The following DOCK3 variants were observed in gnomAD, a reference collection of about 807,000 sequenced individuals.
DOCK3 encodes dedicator of cytokinesis protein 3.
DOCK3 carries 60 observed loss-of-function variants against 265.6 expected under a neutral mutation model. The ratio of observed to expected loss-of-function variants is 0.23; its 90% CI spans 0.18 to 0.28. The LOEUF (loss-of-function observed/expected upper bound fraction) is 0.28. DOCK3 is among the 10% of genes least tolerant of loss of function. The pLI is 1.00. For missense variants in DOCK3, 1,981 were observed against 2,594.3 expected, an observed-to-expected ratio of 0.76 and a Z score of 5.14; for synonymous variants, 881 against 938.0, an observed-to-expected ratio of 0.94 and a Z score of 1.11.
intron 3 of DOCK3, among the ~76,000 whole-genome samples, chr3:50,858,440 AATAATAAT>A (rs750447421): frequency 0.1 from 15,007 of 150,322 alleles, 930 homozygotes; most frequent in Non-Finnish European, 0.13. Context: ...TAATAATAAT[AATAATAAT>A]AATAAAAATA....
At chr3:51,153,344 T>C (rs142092227) in intron 10 of DOCK3, among the ~76,000 whole-genome samples, 2 of 152,286 alleles carry the variant, frequency 1.3e-5, no homozygotes, top group East Asian at 3.9e-4. Context: ...GGTGTGCCAT[T>C]TGCTAAGACC....
At chr3:50,967,592 C>T (rs557248247) in intron 5 of DOCK3, among the ~76,000 whole-genome samples, 1 of 152,278 alleles carries the variant, frequency 6.6e-6, no homozygotes, top group East Asian at 1.9e-4. Flanking sequence ...TTTTAATTGA[C>T]TCACAGTTTC....
At chr3:51,028,264 G>A (rs1038250759) in intron 5 of DOCK3, among the ~76,000 whole-genome samples, 4 of 152,020 alleles carry the variant, frequency 2.6e-5, no homozygotes, top group Non-Finnish European at 5.9e-5. Context: ...AATCTCTTCT[G>A]GCTTATAAGG....
intron 5 of DOCK3, among the ~76,000 whole-genome samples, chr3:50,951,765 A>G (rs2076598020): frequency 6.6e-6 from 1 of 151,582 alleles, no homozygotes; most frequent in African/African-American, 2.4e-5. Flanking sequence ...AAACACTGTT[A>G]AAGGAGATTA....
chr3:51,193,775 T>C (rs1336282609), intron 12 of DOCK3, among the ~76,000 whole-genome samples: 1 of 150,228 alleles, frequency 6.7e-6, no homozygotes, highest in Non-Finnish European at 1.5e-5. Context: ...TCTTTGTTTT[T>C]TCTGATTTTA....
chr3:51,319,000 T>C (rs966578728), intron 32 of DOCK3, among the ~76,000 whole-genome samples: 1 of 152,166 alleles, frequency 6.6e-6, no homozygotes. Context: ...CATCTGAGAA[T>C]AGAGTTTTAT....
chr3:51,297,832 G>GTAGTCCCAGTT (rs1157269058), intron 27 of DOCK3, among the ~76,000 whole-genome samples: 1 of 151,574 alleles, frequency 6.6e-6, no homozygotes, highest in Non-Finnish European at 1.5e-5. Context: ...GTGCATGCCT[G>GTAGTCCCAGTT]TAGTCCCAGT....
intron 1 of DOCK3, among the ~76,000 whole-genome samples, chr3:50,725,190 C>T (rs973059594): frequency 4.6e-5 from 7 of 151,962 alleles, no homozygotes; most frequent in Admixed American, 1.3e-4. Flanking sequence ...CATCTTATGG[C>T]GTTTATCACA....
intron 32 of DOCK3, among the ~76,000 whole-genome samples, chr3:51,320,612 C>G (rs1297996041): frequency 6.6e-6 from 1 of 152,132 alleles, no homozygotes; most frequent in East Asian, 1.9e-4. Flanking sequence ...AGTCCGAGGT[C>G]GACCTGGGAC....
At chr3:51,147,512 C>T (rs954683018) in intron 10 of DOCK3, among the ~76,000 whole-genome samples, 3 of 152,102 alleles carry the variant, frequency 2.0e-5, no homozygotes, top group African/African-American at 7.2e-5. Context: ...CACAACAGGC[C>T]CCCATGTGTG....
intron 26 of DOCK3, chr3:51,278,069 G>A (rs2080910327): frequency 1.0e-6 from 1 of 985,290 alleles, no homozygotes; most frequent in South Asian, 4.7e-5. Context: ...GTAGTAAGAG[G>A]TTGAAGGTGA....
chr3:50,804,656 G>GC (rs1236724972), intron 2 of DOCK3, among the ~76,000 whole-genome samples: 1 of 152,120 alleles, frequency 6.6e-6, no homozygotes, highest in Non-Finnish European at 1.5e-5. Flanking sequence ...GGAGAATCAG[G>GC]CAGGGAGGTT....
intron 4 of DOCK3, among the ~76,000 whole-genome samples, chr3:50,916,356 A>G (rs1192891510): frequency 6.6e-6 from 1 of 151,854 alleles, no homozygotes; most frequent in Non-Finnish European, 1.5e-5. Context: ...TAGTGGCGCA[A>G]TCTTGGCTCA....
chr3:51,169,483 G>C (rs1392724575), intron 12 of DOCK3, among the ~76,000 whole-genome samples: 1 of 152,128 alleles, frequency 6.6e-6, no homozygotes, highest in African/African-American at 2.4e-5. Flanking sequence ...AACTAACTCA[G>C]AGACAGAAAA....
At chr3:51,126,106 G>A (rs538415088) in intron 9 of DOCK3, among the ~76,000 whole-genome samples, 1 of 152,312 alleles carries the variant, frequency 6.6e-6, no homozygotes, top group Non-Finnish European at 1.5e-5. Flanking sequence ...TCTAAGTACA[G>A]TCAGAGAGAC....
intron 35 of DOCK3, among the ~76,000 whole-genome samples, chr3:51,334,526 T>C (rs2084739528): frequency 6.6e-6 from 1 of 152,316 alleles, no homozygotes; most frequent in Middle Eastern, 3.4e-3. Flanking sequence ...TCCTGAGAAA[T>C]GTGCTCATGT....
intron 12 of DOCK3, among the ~76,000 whole-genome samples, chr3:51,183,059 G>A (rs1331292479): frequency 6.6e-6 from 1 of 152,166 alleles, no homozygotes; most frequent in Non-Finnish European, 1.5e-5. Flanking sequence ...CATAAGGCAT[G>A]AACCCTAATT....
intron 1 of DOCK3, among the ~76,000 whole-genome samples, chr3:50,687,518 A>T (rs972088046): frequency 6.6e-6 from 1 of 152,174 alleles, no homozygotes; most frequent in Admixed American, 6.5e-5. Flanking sequence ...AAGTCATCTC[A>T]CTTCTGTGTG....
At chr3:50,944,892 G>A (rs963153509) in intron 5 of DOCK3, among the ~76,000 whole-genome samples, 2 of 152,136 alleles carry the variant, frequency 1.3e-5, no homozygotes, top group East Asian at 1.9e-4. Flanking sequence ...CCTGGGAGGT[G>A]GAGGCTGCAG....
Sources: gnomAD v4.1 joint callset for allele counts (sites outside exome capture counted in the v4.1 genomes callset) on GRCh38, gnomAD v4.1.1 for gene constraint, MANE v1.5 for transcripts, NCBI Gene and HGNC (gene_info 2026-07-23, HGNC 2026-07-21) for gene names.